ENKUR: variants seen among roughly 807,000 people sequenced by gnomAD.
The protein encoded by ENKUR is enkurin, TRPC channel interacting protein.
Under a neutral mutation model 27.6 loss-of-function variants are expected in ENKUR, and 19 were observed. The observed-to-expected ratio is 0.69, with a 90% CI of 0.48 to 1.01. The LOEUF (loss-of-function observed/expected upper bound fraction) is 1.01. ENKUR is among the 50% of genes least tolerant of loss of function. The pLI is 0.00. For synonymous variants in ENKUR, 117 were observed against 96.9 expected (o/e 1.21, Z -1.22); for missense variants, 312 against 310.5 (o/e 1.00, Z -0.04).
intron 2 of ENKUR, among the ~76,000 whole-genome samples, chr10:25,033,987 G>A (rs1373643679): frequency 6.6e-6 from 1 of 151,906 alleles, no homozygotes; most frequent in Non-Finnish European, 1.5e-5. Context: ...AAGAGAACTA[G>A]TAAACCCAAA....
chr10:25,026,520 A>G (rs751227456), intron 2 of ENKUR: 20 of 167,080 alleles, frequency 1.2e-4, no homozygotes, highest in Non-Finnish European at 2.1e-4. Flanking sequence ...TTCAGTGAAC[A>G]TTGTCTTTTT....
At chr10:24,996,588 A>T (rs16925213) in intron 2 of ENKUR, among the ~76,000 whole-genome samples, 2,543 of 152,228 alleles carry the variant, frequency 0.017, 78 homozygotes, top group African/African-American at 0.059. Flanking sequence ...GGTTTGCCAC[A>T]ATGCAAAAAT....
At chr10:25,031,768 G>A (rs111358654) in intron 2 of ENKUR, among the ~76,000 whole-genome samples, 1,909 of 138,936 alleles carry the variant, frequency 0.014, 54 homozygotes, top group African/African-American at 0.048. Flanking sequence ...TTTTTAAATT[G>A]CTTTCTGTTC....
chr10:24,996,930 C>T (rs375534650), intron 2 of ENKUR, among the ~76,000 whole-genome samples: 98 of 152,266 alleles, frequency 6.4e-4, no homozygotes, highest in Non-Finnish European at 1.0e-3. Flanking sequence ...TTAGAGAAGG[C>T]GCTGATCCAA....
At chr10:25,017,491 C>T (rs1192900252), upstream of ENKUR, among the ~76,000 whole-genome samples, 1 of 152,030 alleles carries the variant, frequency 6.6e-6, no homozygotes. Context: ...GGTTGGCTGG[C>T]GGAGTGATTA....
intron 2 of ENKUR, chr10:25,025,297 C>G: frequency 6.2e-7 from 1 of 1,614,158 alleles, no homozygotes; most frequent in Non-Finnish European, 8.5e-7. Flanking sequence ...ATCAAGTCAG[C>G]TCTATTTGCT....
Position 25,015,894 on chromosome 10 carries a change from G to A in ENKUR, c.43C>T (p.Pro15Ser), listed in dbSNP as rs1564345298. 2 of 1,607,588 alleles carry A rather than the reference G, an allele frequency of 1.2e-6. No homozygotes were observed. The highest frequency in any genetic ancestry group is 1.1e-5 in the South Asian group (1 of 89,268). ...CSSECIYNLIPSDLKEPPQPP... is the reference protein window; with the variant it reads ...CSSECIYNLISSDLKEPPQPP... ...TGGGGAGGCTCCTTCAAGTCACTGG[G>A]TATGAGGTTATAAATGCACTCAGAA... The change falls in exon 1 of 6, where the codon CCC (proline) becomes TCC (serine). Residue 15 changes from proline to serine, a missense_variant. By Grantham distance (74) the Pro-to-Ser change is moderately conservative. Transcript: ENST00000331161.
At chr10:25,048,361 G>A (rs914203961) in intron 2 of ENKUR, among the ~76,000 whole-genome samples, 4 of 152,106 alleles carry the variant, frequency 2.6e-5, no homozygotes, top group Admixed American at 1.3e-4. Flanking sequence ...GTCTATATCC[G>A]TGAAGCGTGG....
intron 2 of ENKUR, chr10:25,024,753 C>G (rs1212742150): frequency 1.2e-6 from 2 of 1,614,068 alleles, no homozygotes; most frequent in South Asian, 2.2e-5. Context: ...CCACAGGAAA[C>G]TTTGGTAACA....
At chr10:24,996,354 G>T (rs61856074) in intron 2 of ENKUR, among the ~76,000 whole-genome samples, 1 of 152,020 alleles carries the variant, frequency 6.6e-6, no homozygotes. Flanking sequence ...CCTGGGAGGC[G>T]GAGGTTGCAG....
At chr10:25,023,880 A>G in intron 2 of ENKUR, 2 of 1,614,180 alleles carry the variant, frequency 1.2e-6, no homozygotes, top group Non-Finnish European at 1.7e-6. Flanking sequence ...TGCTGAATGC[A>G]ATTAAAAGAT....
At chr10:25,045,288 C>T (rs373256627) in intron 2 of ENKUR, among the ~76,000 whole-genome samples, 1 of 152,120 alleles carries the variant, frequency 6.6e-6, no homozygotes, top group Non-Finnish European at 1.5e-5. Flanking sequence ...TTAATTTCTT[C>T]CAGTGTATTC....
At chr10:25,020,220 G>C (rs1850689230), upstream of ENKUR, among the ~76,000 whole-genome samples, 1 of 140,228 alleles carries the variant, frequency 7.1e-6, no homozygotes, top group African/African-American at 2.8e-5. Flanking sequence ...AAATTGAACT[G>C]TCATAATTTT....
chr10:25,054,227 C>T (rs1851219670), intron 2 of ENKUR, among the ~76,000 whole-genome samples: 1 of 152,130 alleles, frequency 6.6e-6, no homozygotes, highest in African/African-American at 2.4e-5. Context: ...TTGAGACCAG[C>T]CTGGCCAACA....
intron 4 of ENKUR, among the ~76,000 whole-genome samples, chr10:24,986,644 A>G (rs1158534909): frequency 1.3e-5 from 2 of 152,196 alleles, no homozygotes; most frequent in Non-Finnish European, 2.9e-5. Flanking sequence ...TATTACTTGC[A>G]GTCACAGCAG....
intron 2 of ENKUR, among the ~76,000 whole-genome samples, chr10:25,052,613 TA>T (rs1329601981): frequency 6.6e-6 from 1 of 151,718 alleles, no homozygotes; most frequent in African/African-American, 2.4e-5. Context: ...CAGATTTTTT[TA>T]AAAAAAATTT....
At chr10:25,045,004 C>T (rs1026363768) in intron 2 of ENKUR, among the ~76,000 whole-genome samples, 3 of 152,318 alleles carry the variant, frequency 2.0e-5, no homozygotes, top group African/African-American at 7.2e-5. Context: ...TTCACTTACA[C>T]TTTATCCATT....
At chr10:25,017,783 C>A (rs73608224), upstream of ENKUR, among the ~76,000 whole-genome samples, 4,215 of 152,144 alleles carry the variant, frequency 0.028, 133 homozygotes, top group African/African-American at 0.074. Context: ...CACTTTGCCC[C>A]TTTCTTTTCG....
At chr10:25,022,761 C>G (rs1850750570) in intron 2 of ENKUR, among the ~76,000 whole-genome samples, 1 of 152,122 alleles carries the variant, frequency 6.6e-6, no homozygotes, top group Admixed American at 6.5e-5. Flanking sequence ...AGCACTCCAA[C>G]TCCAAATCAT....
Sources: gnomAD v4.1 joint callset for allele counts (sites outside exome capture counted in the v4.1 genomes callset) on GRCh38, gnomAD v4.1.1 for gene constraint, MANE v1.5 for transcripts, NCBI Gene and HGNC (gene_info 2026-07-23, HGNC 2026-07-21) for gene names.